LRRC30: variants seen among roughly 807,000 people sequenced by gnomAD.
LRRC30 encodes the protein leucine rich repeat containing 30.
Under a neutral mutation model 14.8 loss-of-function variants are expected in LRRC30, and 10 were observed. That is an observed-to-expected ratio of 0.68 (90% CI 0.42 to 1.15). The LOEUF (loss-of-function observed/expected upper bound fraction) is 1.15, where lower values mean the gene tolerates loss of function less well. LRRC30 is among the 50% of genes most tolerant of loss of function. LRRC30 has a pLI of 0.00. For missense variants in LRRC30, 403 were observed against 373.9 expected, an observed-to-expected ratio of 1.08 and a Z score of -0.64; for synonymous variants, 202 against 175.7, an observed-to-expected ratio of 1.15 and a Z score of -1.18.
In LRRC30 at chr18:7,231,955, C is replaced by T. The variant is rs2058621958; in HGVS notation, c.817C>T (p.His273Tyr). 1.2e-6 allele frequency: 2 copies of T among 1,614,074 alleles called. No individual in the cohort carries two copies. Among genetic ancestry groups the T allele is most frequent in the Non-Finnish European group, 1.7e-6 (2 of 1,180,022 alleles). ...NPMDKGLHIS[H>Y]NPLSKPLPEL... The stretch of plus-strand genomic sequence containing the variant: ...CATGGACAAAGGGCTCCACATTTCC[C>T]ACAACCCTTTATCCAAGCCTCTGCC... The change falls in exon 1 of 1, where the codon CAC (histidine) becomes TAC (tyrosine). Residue 273 changes from histidine to tyrosine, a missense_variant. Coordinates refer to ENST00000383467, the MANE Select transcript of LRRC30 (RefSeq NM_001105581.3).
chr18:7,231,414 AC>A lies in LRRC30; in HGVS notation c.277del (p.Leu93Ter), dbSNP rs2058619317. The stretch of plus-strand genomic sequence containing the variant: ...GGGTTCTCCCTCCCGAGGTGGGGAA[AC>A]TGACCCGGATCGTGGTCCTGAACTT... ...LRVLPPEVGKLTRIVVLNLCG... is the reference protein window; with the variant it reads ...LRVLPPEVGKXTRIVVLNLCG... On this transcript the variant is annotated frameshift_variant, in exon 1 of 1. Transcript: ENST00000383467. LOFTEE classifies it high-confidence loss of function. 1 of 1,614,162 alleles carries A rather than the reference AC, an allele frequency of 6.2e-7. No individual in the cohort carries two copies. The highest frequency in any genetic ancestry group is 1.7e-4 in the Middle Eastern group (1 of 6,060).
At position 7,231,497 on chromosome 18, in the gene LRRC30, A is replaced by G. The variant is rs1334375881; in HGVS notation, c.359A>G (p.Lys120Arg). The part of the protein sequence containing the change: ...PREVSLLQCL[K>R]VLFVNMNCLT... ...GAAGTGAGCCTCCTACAGTGCCTCA[A>G]GGTCCTGTTTGTCAACATGAACTGC... The change falls in exon 1 of 1, where the codon AAG (lysine) becomes AGG (arginine). Residue 120 changes from lysine (K) to arginine (R), a missense_variant. Transcript: ENST00000383467. 2 of 1,613,740 alleles carry G rather than the reference A, an allele frequency of 1.2e-6. No individual in the cohort carries two copies. The highest frequency in any genetic ancestry group is 1.7e-6 in the Non-Finnish European group (2 of 1,180,026).
Position 7,231,332 on chromosome 18 carries a change from A to C in LRRC30, c.194A>C (p.Asp65Ala), listed in dbSNP as rs1186025210. The C allele has an allele frequency of 6.2e-7, 1 of 1,614,074 alleles. No homozygotes were observed. Among genetic ancestry groups the C allele is most frequent in the African/African-American group, 1.3e-5 (1 of 74,928 alleles). ...LVTRGMTDIP[D>A]FLWGLSEVQK... The stretch of plus-strand genomic sequence containing the variant: ...ACGAGAGGAATGACAGACATCCCCG[A>C]CTTTCTGTGGGGCTTGTCCGAGGTC... The change falls in exon 1 of 1, where the codon GAC (aspartate) becomes GCC (alanine). Residue 65 changes from aspartate to alanine, a missense_variant. Physicochemically the swap from Asp to Ala is moderately radical, Grantham distance 126. Transcript: ENST00000383467.
At position 7,231,520 on chromosome 18, in the gene LRRC30, T is replaced by A. The variant is rs772813357; in HGVS notation, c.382T>A (p.Cys128Ser). ...CLKVLFVNMN[C>S]LTEVPAELSL... ...CAAGGTCCTGTTTGTCAACATGAACTGCCTGACAGAGGTGCCGGCCGAGCT... is the reference window on the plus strand; with the variant it reads ...CAAGGTCCTGTTTGTCAACATGAACAGCCTGACAGAGGTGCCGGCCGAGCT... Residue 128 changes from cysteine to serine, a missense_variant, in exon 1 of 1, where the codon TGC becomes AGC. Cys to Ser is a moderately radical substitution (Grantham distance 112). Transcript: ENST00000383467. 2 of 1,613,556 alleles carry A rather than the reference T, an allele frequency of 1.2e-6. No homozygotes were observed. Among genetic ancestry groups the A allele is most frequent in the South Asian group, 2.2e-5 (2 of 91,088 alleles).
chr18:7,231,104 G>A lies in LRRC30; in HGVS notation c.-35G>A, dbSNP rs372213696. 33 of 1,538,016 alleles carry A rather than the reference G, an allele frequency of 2.1e-5. No homozygotes were observed. Among genetic ancestry groups the A allele is most frequent in the East Asian group, 4.5e-5 (2 of 44,118 alleles). On this transcript the variant is annotated 5_prime_UTR_variant, in exon 1 of 1. Coordinates refer to ENST00000383467, the MANE Select transcript of LRRC30 (RefSeq NM_001105581.3). ...GAGAGGACACGGTCCCTGCCTGGGA[G>A]GTGGCAGAGGAGAGTGACTAGAAGG... is the stretch of plus-strand genomic sequence containing the variant.
rs201423061 is a variant in LRRC30, at chr18:7,231,682, G to C, written c.544G>C (p.Val182Leu). The change falls in exon 1 of 1, where the codon GTG (valine) becomes CTG (leucine). Residue 182 changes from valine to leucine, a missense_variant. By Grantham distance (32) the Val-to-Leu change is conservative. Transcript: ENST00000383467. Reference sequence around the variant, plus strand: ...CTTCTTCGCGCACATCCCCATGTGTGTGTTCTCCCTGAAGGAACTGATTTT... The same window carrying C: ...CTTCTTCGCGCACATCCCCATGTGTCTGTTCTCCCTGAAGGAACTGATTTT... ...NNFFAHIPMC[V>L]FSLKELIFLH... 6.4e-5 allele frequency: 104 copies of C among 1,614,066 alleles called. No homozygotes were observed. The highest frequency in any genetic ancestry group is 8.1e-5 in the Non-Finnish European group (96 of 1,180,048).
rs1235119199 is a variant in LRRC30 at position 7,231,714 on chromosome 18, C to T, written c.576C>T (p.His192=). 3.1e-6 allele frequency: 5 copies of T among 1,614,150 alleles called. No individual in the cohort carries two copies. The highest frequency in any genetic ancestry group is 2.7e-5 in the African/African-American group (2 of 75,046). The change falls in exon 1 of 1, where the codon CAC becomes CAT. Residue 192 remains histidine (H), a synonymous_variant. Transcript: ENST00000383467. The part of the protein sequence containing the change: ...VFSLKELIFL[H]VGSNRLENIA... The stretch of plus-strand genomic sequence containing the variant: ...CCCTGAAGGAACTGATTTTCTTGCA[C>T]GTGGGCTCGAATCGCCTGGAAAACA...
At position 7,231,094 on chromosome 18, in the gene LRRC30, C is replaced by T. The variant is rs2058617809; in HGVS notation, c.-45C>T. The T allele has an allele frequency of 3.3e-6, 5 of 1,535,526 alleles. No homozygotes were observed. The South Asian group carries it at 3.9e-5, about 12-fold the overall frequency. On this transcript the variant is annotated 5_prime_UTR_variant, in exon 1 of 1. Coordinates refer to ENST00000383467, the MANE Select transcript of LRRC30 (RefSeq NM_001105581.3). ...TTTAGCAGCTGAGAGGACACGGTCC[C>T]TGCCTGGGAGGTGGCAGAGGAGAGT...
At position 7,231,573 on chromosome 18, in the gene LRRC30, G is replaced by A. The variant is rs1401170950; in HGVS notation, c.435G>A (p.Leu145=). The A allele has an allele frequency of 6.2e-7, 1 of 1,613,840 alleles. No individual in the cohort carries two copies. The highest frequency in any genetic ancestry group is 1.7e-5 in the Admixed American group (1 of 60,014). The stretch of plus-strand genomic sequence containing the variant: ...GCTTGTGCCGAAAGCTGGAGGTCCT[G>A]AGCTTGTCGCACAACTGCCTGTCCC... ...ELSLCRKLEV[L]SLSHNCLSQL... is the part of the protein sequence containing the mutation. Residue 145 remains leucine, a synonymous_variant, in exon 1 of 1, where the codon CTG becomes CTA. Coordinates refer to ENST00000383467, the MANE Select transcript of LRRC30 (RefSeq NM_001105581.3).
At position 7,231,369 on chromosome 18, in the gene LRRC30, TC is replaced by T; in HGVS notation, c.232del (p.Leu78CysfsTer16). 3.7e-6 allele frequency: 6 copies of T among 1,614,176 alleles called. No individual in the cohort carries two copies. Among genetic ancestry groups the T allele is most frequent in the Non-Finnish European group, 5.1e-6 (6 of 1,180,044 alleles). Reference sequence around the variant, plus strand: ...GCTTGTCCGAGGTCCAGAAACTCAATCTGTCTCACAACCAGCTCCGGGTTCT... The same window carrying T: ...GCTTGTCCGAGGTCCAGAAACTCAATTGTCTCACAACCAGCTCCGGGTTCT... ...WGLSEVQKLN[L>X]SHNQLRVLPP... On this transcript the variant is annotated frameshift_variant, in exon 1 of 1. Transcript: ENST00000383467. LOFTEE classifies it high-confidence loss of function.
Position 7,231,276 on chromosome 18 carries a change from G to C in LRRC30, c.138G>C (p.Arg46=). The change falls in exon 1 of 1, where the codon CGG becomes CGC. Residue 46 remains arginine, a synonymous_variant. Coordinates refer to ENST00000383467, the MANE Select transcript of LRRC30 (RefSeq NM_001105581.3). ...GGGACCCGCGGTCCCTGCTGAAGCG[G>C]GGCATGCACCACGTCAGCTTCAGCC... ...SGRDPRSLLK[R]GMHHVSFSLV... 1 of 1,614,236 alleles carries C rather than the reference G, an allele frequency of 6.2e-7. No homozygotes were observed. The highest frequency in any genetic ancestry group is 8.5e-7 in the Non-Finnish European group (1 of 1,180,046).
rs1301118106 is a variant in LRRC30, at chr18:7,231,861, CAAT to C, written c.724_726del (p.Asn242del). On this transcript the variant is annotated inframe_deletion, in exon 1 of 1. Transcript: ENST00000383467. ...GCCTGGAGCTGCTGAACCTCAACAA[CAAT>C]GACATCCAGACCCTCCCGAGCGAAC... 8 of 1,614,020 alleles carry C rather than the reference CAAT, an allele frequency of 5.0e-6. No individual in the cohort carries two copies. Among genetic ancestry groups the C allele is most frequent in the Non-Finnish European group, 5.9e-6 (7 of 1,180,038 alleles).
Position 7,231,764 on chromosome 18 carries a change from C to G in LRRC30, c.626C>G (p.Ala209Gly). ...ENIAESIQHL[A>G]SLQIFIAEGN... The stretch of plus-strand genomic sequence containing the variant: ...ATCGCTGAGAGCATCCAGCACCTGG[C>G]CAGCCTGCAGATCTTCATCGCAGAG... The change falls in exon 1 of 1, where the codon GCC (alanine) becomes GGC (glycine). Residue 209 changes from alanine to glycine, a missense_variant. Ala to Gly is a moderately conservative substitution (Grantham distance 60, BLOSUM62 0). Coordinates refer to ENST00000383467, the MANE Select transcript of LRRC30 (RefSeq NM_001105581.3). The G allele has an allele frequency of 6.2e-7, 1 of 1,614,166 alleles. No individual in the cohort carries two copies. The highest frequency in any genetic ancestry group is 1.1e-5 in the South Asian group (1 of 91,076).
At position 7,231,723 on chromosome 18, in the gene LRRC30, G is replaced by A. The variant is rs202123655; in HGVS notation, c.585G>A (p.Ser195=). 4.3e-6 allele frequency: 7 copies of A among 1,614,130 alleles called. No homozygotes were observed. The highest frequency in any genetic ancestry group is 2.2e-5 in the South Asian group (2 of 91,082). The change falls in exon 1 of 1, where the codon TCG becomes TCA. Residue 195 remains serine (S), a synonymous_variant. Coordinates refer to ENST00000383467, the MANE Select transcript of LRRC30 (RefSeq NM_001105581.3). Reference sequence around the variant, plus strand: ...AACTGATTTTCTTGCACGTGGGCTCGAATCGCCTGGAAAACATCGCTGAGA... The same window carrying A: ...AACTGATTTTCTTGCACGTGGGCTCAAATCGCCTGGAAAACATCGCTGAGA... ...LKELIFLHVG[S]NRLENIAESI...
At position 7,231,596 on chromosome 18, in the gene LRRC30, C is replaced by G. The variant is rs768944479; in HGVS notation, c.458C>G (p.Ser153Cys). 8.7e-6 allele frequency: 14 copies of G among 1,613,920 alleles called. No homozygotes were observed. The Admixed American group carries it at 2.3e-4, about 27-fold the overall frequency. ...EVLSLSHNCL[S>C]QLPACFADLS... ...CTGAGCTTGTCGCACAACTGCCTGT[C>G]CCAGCTCCCTGCATGCTTCGCCGAC... Residue 153 changes from serine to cysteine, a missense_variant, in exon 1 of 1, where the codon TCC (serine) becomes TGC (cysteine). Transcript: ENST00000383467.
At position 7,231,664 on chromosome 18, in the gene LRRC30, G is replaced by C. The variant is rs756179446; in HGVS notation, c.526G>C (p.Ala176Pro). The part of the protein sequence containing the change: ...RKLNLSNNFF[A>P]HIPMCVFSLK... ...GCTAAACCTCAGCAACAACTTCTTC[G>C]CGCACATCCCCATGTGTGTGTTCTC... The change falls in exon 1 of 1, where the codon GCG becomes CCG. Residue 176 changes from alanine to proline, a missense_variant. Transcript: ENST00000383467. 1 of 1,614,072 alleles carries C rather than the reference G, an allele frequency of 6.2e-7. No individual in the cohort carries two copies. The highest frequency in any genetic ancestry group is 1.1e-5 in the South Asian group (1 of 91,074).
rs774391324 is a variant in LRRC30, at chr18:7,231,790, G to A, written c.652G>A (p.Gly218Ser). 1 of 1,614,082 alleles carries A rather than the reference G, an allele frequency of 6.2e-7. No homozygotes were observed. Among genetic ancestry groups the A allele is most frequent in the Non-Finnish European group, 8.5e-7 (1 of 1,180,016 alleles). Residue 218 changes from glycine (G) to serine (S), a missense_variant, in exon 1 of 1, where the codon GGC (glycine) becomes AGC (serine). Physicochemically the swap from Gly to Ser is moderately conservative, Grantham distance 56. Transcript: ENST00000383467. ...LASLQIFIAE[G>S]NNIHSFPRSL... ...CAGCCTGCAGATCTTCATCGCAGAGGGCAACAACATCCACTCCTTCCCGAG... is the reference window on the plus strand; with the variant it reads ...CAGCCTGCAGATCTTCATCGCAGAGAGCAACAACATCCACTCCTTCCCGAG...
At position 7,232,026 on chromosome 18, in the gene LRRC30, G is replaced by T. The variant is rs751483973; in HGVS notation, c.888G>T (p.Lys296Asn). The T allele has an allele frequency of 1.1e-5, 18 of 1,608,046 alleles. No individual in the cohort carries two copies. The South Asian group carries it at 1.9e-4, about 17-fold the overall frequency. Residue 296 changes from lysine to asparagine, a missense_variant, in exon 1 of 1, where the codon AAG (lysine) becomes AAT (asparagine). Transcript: ENST00000383467. Reference sequence around the variant, plus strand: ...TGGAGATGCTCTTCGGCTACCTGAAGGACAAAAAACACACCTGACCTGGGT... The same window carrying T: ...TGGAGATGCTCTTCGGCTACCTGAATGACAAAAAACACACCTGACCTGGGT... Reference protein sequence around the residue: ...GGLEMLFGYLKDKKHT With the variant: ...GGLEMLFGYLNDKKHT
rs1250745660 is a variant in LRRC30, at chr18:7,231,150, G to A, written c.12G>A (p.Arg4=). 2.5e-6 allele frequency: 4 copies of A among 1,587,334 alleles called. No individual in the cohort carries two copies. Among genetic ancestry groups the A allele is most frequent in the Non-Finnish European group, 2.6e-6 (3 of 1,164,046 alleles). MGA[R]QSRASSKDKG... ...GAAGGGAAGGTACAATGGGGGCCAG[G>A]CAGTCAAGGGCCAGCTCCAAGGATA... is the stretch of plus-strand genomic sequence containing the variant. The change falls in exon 1 of 1, where the codon AGG becomes AGA. Residue 4 remains arginine (R), a synonymous_variant. Coordinates refer to ENST00000383467, the MANE Select transcript of LRRC30 (RefSeq NM_001105581.3).
Sources: gnomAD v4.1 joint callset for allele counts on GRCh38, gnomAD v4.1.1 for gene constraint, MANE v1.5 for transcripts, NCBI Gene and HGNC (gene_info 2026-07-23, HGNC 2026-07-21) for gene names.